Variants in DNAH3 observed in about 807,000 individuals in gnomAD.
The protein encoded by DNAH3 is dynein axonemal heavy chain 3.
Under a neutral mutation model 432.5 loss-of-function variants are expected in DNAH3, and 332 were observed. The observed-to-expected ratio is 0.77, with a 90% CI of 0.70 to 0.84. The LOEUF is 0.84. DNAH3 is among the 40% of genes least tolerant of loss of function. The pLI, the probability that DNAH3 is intolerant of heterozygous loss-of-function variation, is 0.00. For synonymous variants in DNAH3, 1,956 were observed against 1,900.2 expected, an observed-to-expected ratio of 1.03 and a Z score of -0.76; for missense variants, 4,861 against 5,114.0, an observed-to-expected ratio of 0.95 and a Z score of 1.51.
chr16:21,037,326 C>CA (rs1300899679), intron 34 of DNAH3, among the ~76,000 whole-genome samples: 1 of 151,544 alleles, frequency 6.6e-6, no homozygotes, highest in Non-Finnish European at 1.5e-5. Context: ...AAAACAAAAA[C>CA]AAAAAAACCG....
intron 12 of DNAH3, among the ~76,000 whole-genome samples, chr16:21,116,517 C>T (rs2092204709): frequency 6.6e-6 from 1 of 152,118 alleles, no homozygotes; most frequent in African/African-American, 2.4e-5. Flanking sequence ...TTTCCTGAGG[C>T]CACCCCAGAC....
chr16:21,068,335 G>GA (rs61661545), intron 23 of DNAH3, among the ~76,000 whole-genome samples: 1 of 112,908 alleles, frequency 8.9e-6, no homozygotes, highest in Non-Finnish European at 1.8e-5. Flanking sequence ...TGGGGGGGGG[G>GA]ACAGAGTCTC....
rs905742774 is a variant in DNAH3, at chr16:21,042,914, A to C, written c.4462-711T>G. On this transcript the variant is annotated intron_variant, in intron 31 of 61. Coordinates refer to ENST00000261383, the Ensembl canonical transcript of DNAH3. ...TCAGTTCCCACCTATGAGTGAGAAT[A>C]TGCGGTGTTTGGTTTTTTGTTCTTG... Among the ~76,000 whole-genome samples the C allele has an allele frequency of 7.6e-4, 115 of 152,104 alleles. 10 individuals carry two copies.
At chr16:20,974,580 T>TTG (rs148278777) in intron 51 of DNAH3, among the ~76,000 whole-genome samples, 5 of 8,554 alleles carry the variant, frequency 5.8e-4, no homozygotes, top group Non-Finnish European at 1.3e-3. Flanking sequence ...TTTTATAGTG[T>TTG]TTTTTTTTTT....
chr16:21,128,170 T>C (rs369698224), intron 7 of DNAH3, among the ~76,000 whole-genome samples: 5 of 151,946 alleles, frequency 3.3e-5, no homozygotes, highest in Admixed American at 1.3e-4. Context: ...TTTACAACAG[T>C]GAAGACCCAG....
At chr16:21,000,123 G>T in intron 43 of DNAH3, 101 bp downstream of exon 43, 2 of 1,231,444 alleles carry the variant, frequency 1.6e-6, no homozygotes, top group Non-Finnish European at 2.3e-6. Context: ...CTCCCAGGGA[G>T]AGTAAAGGTA....
chr16:20,986,212 T>C (rs1393206066), intron 47 of DNAH3, among the ~76,000 whole-genome samples: 1 of 151,176 alleles, frequency 6.6e-6, no homozygotes, highest in African/African-American at 2.4e-5. Context: ...AAGACTATAA[T>C]GAAAGAACAT....
intron 11 of DNAH3, among the ~76,000 whole-genome samples, chr16:21,118,237 T>C (rs1477763397): frequency 6.6e-6 from 1 of 152,112 alleles, no homozygotes; most frequent in Non-Finnish European, 1.5e-5. Flanking sequence ...TGCCTCAGCC[T>C]CACAAAGTGC....
chr16:21,030,906 T>C (rs2152723394), intron 37 of DNAH3, 139 bp downstream of exon 37: 1 of 852,172 alleles, frequency 1.2e-6, no homozygotes, highest in Non-Finnish European at 1.8e-6. Context: ...ATAATCCTCC[T>C]GTGGGGCATT....
intron 39 of DNAH3, among the ~76,000 whole-genome samples, chr16:21,022,830 C>T (rs330133): frequency 0.23 from 34,946 of 151,432 alleles, 4,269 homozygotes; most frequent in South Asian, 0.33. Context: ...CTACAACCTC[C>T]GCCCCCACTG....
In DNAH3 at chr16:21,102,390, G is replaced by A. The variant is rs374122625; in HGVS notation, c.2366+2081C>T. Among the ~76,000 whole-genome samples the A allele has an allele frequency of 3.6e-4, 55 of 152,328 alleles. 2 individuals are homozygous for A. The South Asian group carries it at 0.011, about 31-fold the overall frequency. On this transcript the variant is annotated intron_variant, in intron 16 of 61. Transcript: ENST00000261383. ...GGAGTAATATTCTAAAATCATGCAT[G>A]CAAAATTGATGCCTTGGAAGTTGAG...
exon 32 of DNAH3, chr16:21,042,117 C>T (rs763077413): frequency 1.9e-6 from 3 of 1,613,790 alleles, no homozygotes; most frequent in South Asian, 2.2e-5. Context: ...AGAGCTCAGT[C>T]CCTTCAAAGA....
chr16:21,158,115 G>A (rs988663600), intron 1 of DNAH3, among the ~76,000 whole-genome samples: 1 of 152,218 alleles, frequency 6.6e-6, no homozygotes, highest in Non-Finnish European at 1.5e-5. Flanking sequence ...CATGCAAACC[G>A]AGGAATTTGG....
At chr16:20,960,551 TA>T (rs1385530850) in intron 53 of DNAH3, among the ~76,000 whole-genome samples, 1 of 152,070 alleles carries the variant, frequency 6.6e-6, no homozygotes, top group Non-Finnish European at 1.5e-5. Context: ...CTGGGCTAAT[TA>T]ACTAATTAGC....
chr16:21,054,395 T>C (rs745828763), intron 28 of DNAH3, 25 bp downstream of exon 28: 2 of 1,549,208 alleles, frequency 1.3e-6, no homozygotes, highest in East Asian at 2.2e-5. Flanking sequence ...TAGTCAGTAA[T>C]GACAGGGGAA....
At chr16:21,087,370 A>G (rs928940195) in intron 18 of DNAH3, among the ~76,000 whole-genome samples, 9 of 152,194 alleles carry the variant, frequency 5.9e-5, no homozygotes, top group African/African-American at 1.9e-4. Flanking sequence ...TACAATTAGC[A>G]TATCAATAGC....
intron 16 of DNAH3, among the ~76,000 whole-genome samples, chr16:21,100,651 T>A (rs2091814226): frequency 1.3e-5 from 2 of 152,268 alleles, no homozygotes; most frequent in South Asian, 4.1e-4. Context: ...GAGCAGCAGC[T>A]CACATCCCTG....
Position 21,070,278 on chromosome 16 carries a change from A to C in DNAH3, c.3201+432T>G, listed in dbSNP as rs991325128. ...GCTTTCAGCCTTGTGTCATTAATTA[A>C]TTAATTAATTTACTTATTTTTGAGA... On this transcript the variant is annotated intron_variant, in intron 22 of 61. Transcript: ENST00000261383. Among the ~76,000 whole-genome samples the C allele has an allele frequency of 8.5e-5, 13 of 152,090 alleles. 1 individual carries two copies. The highest frequency in any genetic ancestry group is 1.6e-4 in the Non-Finnish European group (11 of 68,022).
intron 20 of DNAH3, among the ~76,000 whole-genome samples, chr16:21,078,328 TCAATCAAATAGGAC>T (rs1271569254): frequency 2.0e-5 from 3 of 150,678 alleles, no homozygotes; most frequent in Non-Finnish European, 4.4e-5. Context: ...TCATATGTGT[TCAATCAAATAGGAC>T]CAATTAAATA....
Sources: gnomAD v4.1 joint callset for allele counts (sites outside exome capture counted in the v4.1 genomes callset) on GRCh38, gnomAD v4.1.1 for gene constraint, MANE v1.5 for transcripts, NCBI Gene and HGNC (gene_info 2026-07-23, HGNC 2026-07-21) for gene names.